The following SASH1 variants were observed in gnomAD, a reference collection of about 807,000 sequenced individuals.
SASH1 encodes SAM and SH3 domain-containing protein 1.
A neutral mutation model predicts 125.2 loss-of-function variants in SASH1; 44 were observed. The ratio of observed to expected loss-of-function variants is 0.35; its 90% CI spans 0.28 to 0.45. SASH1 has a LOEUF of 0.45. Ranked by LOEUF, SASH1 falls within the 20% of genes least tolerant of loss-of-function variation. The pLI, the probability that SASH1 is intolerant of heterozygous loss-of-function variation, is 1.00. For missense variants in SASH1, 1,426 were observed against 1,614.5 expected (o/e 0.88, Z 2.00); for synonymous variants, 639 against 649.1 (o/e 0.98, Z 0.24).
At chr6:148,505,860 A>G (rs879774775) in intron 8 of SASH1, among the ~76,000 whole-genome samples, 2 of 146,596 alleles carry the variant, frequency 1.4e-5, no homozygotes, top group African/African-American at 5.1e-5. Flanking sequence ...CTGGTCTCGA[A>G]CTCCTGACCT....
chr6:148,298,101 G>A (rs1237281943), intron 1 of SASH1, among the ~76,000 whole-genome samples: 1 of 148,322 alleles, frequency 6.7e-6, no homozygotes, highest in African/African-American at 2.5e-5. Context: ...CTGCCTCCTG[G>A]GTTCAAGCGA....
chr6:148,285,207 A>G (rs1482747538), intron 1 of SASH1, among the ~76,000 whole-genome samples: 2 of 152,192 alleles, frequency 1.3e-5, no homozygotes, highest in Non-Finnish European at 2.9e-5. Context: ...AAAGGGAGGG[A>G]GGGAAATGTT....
the SASH1 span, among the ~76,000 whole-genome samples, chr6:148,229,719 CTT>C: frequency 1.2e-4 from 14 of 121,402 alleles, no homozygotes; most frequent in African/African-American, 2.2e-4. Flanking sequence ...CGTCAGAGCA[CTT>C]TTTTTTTTTT....
intron 1 of SASH1, among the ~76,000 whole-genome samples, chr6:148,305,548 A>T (rs1360902673): frequency 6.7e-6 from 1 of 150,352 alleles, no homozygotes; most frequent in African/African-American, 2.4e-5. Flanking sequence ...GCTTGAACCC[A>T]GGAAACAGAG....
Position 148,534,778 on chromosome 6 carries a change from G to C in SASH1, c.1972G>C (p.Gly658Arg). ...KEHMPTFLFN[G>R]YEDLDTFKLL... is the part of the protein sequence containing the mutation. ...GCACATGCCCACTTTCCTGTTCAAT[G>C]GATATGAAGATTTGGACACCTTTAA... is the stretch of plus-strand genomic sequence containing the variant. The change falls in exon 16 of 20, where the codon GGA becomes CGA. Residue 658 changes from glycine (G) to arginine (R), a missense_variant. Physicochemically the swap from Gly to Arg is moderately radical, Grantham distance 125. This residue lies in a region of SASH1 where 225 missense variants were observed against 344.5 expected (regional missense o/e 0.65). Transcript: ENST00000367467. 1 of 1,614,196 alleles carries C rather than the reference G, an allele frequency of 6.2e-7. No individual in the cohort carries two copies. The highest frequency in any genetic ancestry group is 8.5e-7 in the Non-Finnish European group (1 of 1,180,036).
the SASH1 span, among the ~76,000 whole-genome samples, chr6:148,197,320 A>T: frequency 6.6e-6 from 1 of 152,334 alleles, no homozygotes; most frequent in South Asian, 2.1e-4. Flanking sequence ...ATTATGTAGG[A>T]TACAAACTAC....
the SASH1 span, among the ~76,000 whole-genome samples, chr6:148,225,987 A>G: frequency 5.9e-5 from 9 of 152,216 alleles, no homozygotes; most frequent in Non-Finnish European, 8.8e-5. Context: ...AGTAGACCCA[A>G]TGGAGAAACT....
chr6:148,488,383 A>G (rs1013442615), intron 8 of SASH1, among the ~76,000 whole-genome samples: 1 of 152,248 alleles, frequency 6.6e-6, no homozygotes, highest in African/African-American at 2.4e-5. Flanking sequence ...TTGTTTATCC[A>G]TTCATCTGTT....
the SASH1 span, among the ~76,000 whole-genome samples, chr6:148,243,651 CAAAAAAAAAAAAA>C: frequency 1.1e-4 from 8 of 70,320 alleles, no homozygotes; most frequent in East Asian, 2.0e-3. Context: ...AACTGTGTCT[CAAAAAAAAAAAAA>C]AAAAAAAAAA....
chr6:148,300,442 A>ATTTTTTT (rs34126353), intron 1 of SASH1, among the ~76,000 whole-genome samples: 1 of 108,362 alleles, frequency 9.2e-6, no homozygotes, highest in Non-Finnish European at 1.8e-5. Context: ...CAGAAACAAG[A>ATTTTTTT]TTTTTTTTTT....
intron 2 of SASH1, among the ~76,000 whole-genome samples, chr6:148,417,309 G>A (rs1294981000): frequency 6.6e-6 from 1 of 152,106 alleles, no homozygotes; most frequent in Non-Finnish European, 1.5e-5. Flanking sequence ...ATCCCTGGTC[G>A]GGCGCGGTGG....
chr6:148,463,755 A>G (rs2115091301), intron 4 of SASH1, among the ~76,000 whole-genome samples: 1 of 152,310 alleles, frequency 6.6e-6, no homozygotes, highest in South Asian at 2.1e-4. Flanking sequence ...CACACTTAGC[A>G]TGTCCAAAGG....
At chr6:148,504,952 C>T (rs574946166) in intron 8 of SASH1, among the ~76,000 whole-genome samples, 7 of 152,124 alleles carry the variant, frequency 4.6e-5, no homozygotes, top group South Asian at 2.1e-4. Context: ...GAGGAGAGGC[C>T]GCTCAGGGGA....
intron 1 of SASH1, among the ~76,000 whole-genome samples, chr6:148,327,238 C>T (rs1056555777): frequency 3.3e-5 from 5 of 151,368 alleles, no homozygotes; most frequent in African/African-American, 1.2e-4. Context: ...GAGGAACGAA[C>T]GGACGAATGA....
chr6:148,334,331 G>A (rs1241616654), intron 1 of SASH1, among the ~76,000 whole-genome samples: 2 of 147,688 alleles, frequency 1.4e-5, no homozygotes, highest in Non-Finnish European at 3.0e-5. Flanking sequence ...GGGAGGCTGA[G>A]GCAGGAGAAT....
chr6:148,352,590 C>A (rs1380843273), intron 1 of SASH1, among the ~76,000 whole-genome samples: 1 of 140,092 alleles, frequency 7.1e-6, no homozygotes, highest in Non-Finnish European at 1.5e-5. Flanking sequence ...GAGTGAGACT[C>A]CTTCTTATAA....
At chr6:148,534,681 T>A in intron 15 of SASH1, 70 bp from the exon 16 acceptor site, 1 of 1,461,478 alleles carries the variant, frequency 6.8e-7, no homozygotes, top group Admixed American at 1.7e-5. Context: ...GGTTGCAGGC[T>A]AGTTGTTGGC....
rs1782457577 is a variant in SASH1 at position 148,544,749 on chromosome 6, A to G, written c.3279A>G (p.Leu1093=). ...TCTCCTGTGCCCGGGGAGTGGATCT[A>G]GAAACGCTCACTGAAAACAAGCTGC... The part of the protein sequence containing the change: ...RKVSCARGVD[L]ETLTENKLHA... Residue 1093 remains leucine, a synonymous_variant, in exon 18 of 20, where the codon CTA becomes CTG. Coordinates refer to ENST00000367467, the MANE Select transcript of SASH1 (RefSeq NM_015278.5). This position sits in a 1 kb window ranked among gnomAD's most constrained non-coding sequence, Gnocchi z 6.4. 2 of 1,606,650 alleles carry G rather than the reference A, an allele frequency of 1.2e-6. No individual in the cohort carries two copies. Among genetic ancestry groups the G allele is most frequent in the East Asian group, 2.2e-5 (1 of 44,698 alleles).
intron 2 of SASH1, among the ~76,000 whole-genome samples, chr6:148,428,371 G>A (rs1428964740): frequency 6.6e-6 from 1 of 152,222 alleles, no homozygotes; most frequent in Non-Finnish European, 1.5e-5. Context: ...GCTCATGCCT[G>A]TAATCCCAGC....
Sources: allele counts gnomAD v4.1 joint callset (sites outside exome capture counted in the v4.1 genomes callset), GRCh38; gene constraint gnomAD v4.1.1; regional missense constraint gnomAD v4.1.1; non-coding constraint Gnocchi (gnomAD v3.1); transcripts MANE v1.5; gene names NCBI Gene and HGNC (gene_info 2026-07-23, HGNC 2026-07-21).